Variants in SLC30A9 observed in about 807,000 individuals in gnomAD.
SLC30A9 encodes proton-coupled zinc antiporter SLC30A9, mitochondrial.
In SLC30A9, 58 loss-of-function variants were observed where a neutral mutation model predicts 87.5. That is an observed-to-expected ratio of 0.66 (90% CI 0.54 to 0.82). SLC30A9 has a LOEUF of 0.82. Ranked by LOEUF, SLC30A9 falls within the 40% of genes least tolerant of loss-of-function variation. The pLI, the probability that SLC30A9 is intolerant of heterozygous loss-of-function variation, is 0.00. For synonymous variants in SLC30A9, 234 were observed against 233.0 expected (o/e 1.00, Z -0.04); for missense variants, 557 against 679.1 (o/e 0.82, Z 2.00).
intron 6 of SLC30A9, among the ~76,000 whole-genome samples, chr4:42,025,878 C>A (rs968324308): frequency 6.6e-6 from 1 of 152,102 alleles, no homozygotes; most frequent in Non-Finnish European, 1.5e-5. Flanking sequence ...TGGTCTCGAT[C>A]TCCTGACCTC....
intron 2 of SLC30A9, among the ~76,000 whole-genome samples, chr4:42,013,535 T>A (rs925598673): frequency 2.6e-5 from 4 of 152,098 alleles, no homozygotes; most frequent in Non-Finnish European, 2.9e-5. Flanking sequence ...TTTACTGTTA[T>A]AAAGACAGAC....
chr4:42,017,455 T>A (rs1715772425), intron 2 of SLC30A9, among the ~76,000 whole-genome samples: 2 of 151,908 alleles, frequency 1.3e-5, no homozygotes, highest in African/African-American at 2.4e-5. Flanking sequence ...GTTTTTCTTG[T>A]GTTGTTTATA....
In SLC30A9 at chr4:42,088,621, G is replaced by A. The variant is rs1217193553; in HGVS notation, c.*2495G>A. The A allele has an allele frequency of 6.6e-6, 1 of 152,464 alleles. No individual in the cohort carries two copies. Among genetic ancestry groups the A allele is most frequent in the African/African-American group, 2.4e-5 (1 of 41,436 alleles). 9.4% of individuals were successfully genotyped at this position (152,464 alleles called of 1,614,324 possible). A position where few individuals can be genotyped will look rare whatever the true frequency, so the allele number is the denominator to read the frequency against. ...AGGAAGAGCAAGAGGCGGGGATTGG[G>A]GGTAGGTGCCACACTCTTGTAAACA... On this transcript the variant is annotated 3_prime_UTR_variant, in exon 18 of 18. Transcript: ENST00000264451.
intron 6 of SLC30A9, among the ~76,000 whole-genome samples, chr4:42,030,279 T>C (rs1201538972): frequency 2.0e-5 from 3 of 152,218 alleles, no homozygotes; most frequent in Admixed American, 6.5e-5. Flanking sequence ...TTGGTTAGAA[T>C]GTAATTAATG....
intron 17 of SLC30A9, among the ~76,000 whole-genome samples, chr4:42,081,205 T>C (rs892293650): frequency 7.9e-5 from 12 of 152,234 alleles, no homozygotes; most frequent in Admixed American, 3.3e-4. Flanking sequence ...TTACGTACTT[T>C]CCATTTTGTC....
chr4:42,070,852 A>G (rs895274285), intron 15 of SLC30A9, among the ~76,000 whole-genome samples, 161 bp downstream of exon 15: 1 of 152,216 alleles, frequency 6.6e-6, no homozygotes, highest in African/African-American at 2.4e-5. Flanking sequence ...GTAAGAAAGA[A>G]TACACTTAGG....
At position 42,070,660 on chromosome 4, in the gene SLC30A9, A is replaced by G; in HGVS notation, c.1387A>G (p.Thr463Ala). Residue 463 changes from threonine to alanine, a missense_variant, in exon 15 of 18, where the codon ACT (threonine) becomes GCT (alanine). Transcript: ENST00000264451. ...CCAGCCAGAACAAGTACAACGGCTC[A>G]CTGAACTCCTGGAGAATGACCCATC... is the stretch of plus-strand genomic sequence containing the variant. Reference protein sequence around the residue: ...SIQPEQVQRLTELLENDPSVR... With the variant: ...SIQPEQVQRLAELLENDPSVR... The G allele has an allele frequency of 6.2e-7, 1 of 1,613,818 alleles. No homozygotes were observed. Among genetic ancestry groups the G allele is most frequent in the Non-Finnish European group, 8.5e-7 (1 of 1,179,746 alleles).
At position 42,001,678 on chromosome 4, in the gene SLC30A9, A is replaced by G. The variant is rs1464274626; in HGVS notation, c.172A>G (p.Ile58Val). 6.2e-6 allele frequency: 10 copies of G among 1,608,456 alleles called. No homozygotes were observed. The highest frequency in any genetic ancestry group is 8.5e-6 in the Non-Finnish European group (10 of 1,175,394). The change falls in exon 2 of 18, where the codon ATT (isoleucine) becomes GTT (valine). Residue 58 changes from isoleucine (I) to valine (V), a missense_variant. Around this residue, in one of 2 missense-constraint regions of SLC30A9, gnomAD observed 467 missense variants for 529.8 expected, o/e 0.88. Coordinates refer to ENST00000264451, the MANE Select transcript of SLC30A9 (RefSeq NM_006345.4). ...CATGGTTCCCTGTAGTCATCCATAT[A>G]TTGGTACCCTGAGTCAAGTAAAGTT... ...SNMVPCSHPY[I>V]GTLSQVKLYS... is the part of the protein sequence containing the mutation.
intron 2 of SLC30A9, among the ~76,000 whole-genome samples, chr4:42,008,630 T>A (rs1014291650): frequency 6.6e-6 from 1 of 152,038 alleles, no homozygotes; most frequent in African/African-American, 2.4e-5. Context: ...GAGGGACAGG[T>A]AGAAGAGGAG....
rs1375405734 is a variant in SLC30A9, at chr4:42,070,407, G to T, written c.1253-119G>T. 5.2e-5 allele frequency: 36 copies of T among 698,630 alleles called. No homozygotes were observed. In the Admixed American group the frequency reaches 9.3e-4, roughly 18 times the overall value. 43.3% of individuals were successfully genotyped at this position (698,630 alleles called of 1,614,324 possible). On this transcript the variant is annotated intron_variant, in intron 14 of 17. Transcript: ENST00000264451. The stretch of plus-strand genomic sequence containing the variant: ...GGAGTTGTTAAAGGAAGTAATTAAA[G>T]AAATTAGGAATAAATTTCAAGTGCC...
At chr4:42,083,753 C>T (rs1287930880) in intron 17 of SLC30A9, among the ~76,000 whole-genome samples, 1 of 151,946 alleles carries the variant, frequency 6.6e-6, no homozygotes, top group Non-Finnish European at 1.5e-5. Flanking sequence ...AATTTAGTTT[C>T]ATTTCTGTTT....
At chr4:42,029,275 G>T in intron 6 of SLC30A9, 1 of 476,502 alleles carries the variant, frequency 2.1e-6, no homozygotes, top group South Asian at 1.7e-5. Context: ...AGAGAAGAAG[G>T]AGTTTTTAGG....
At chr4:42,074,111 A>G (rs139597832) in intron 15 of SLC30A9, among the ~76,000 whole-genome samples, 101 of 152,320 alleles carry the variant, frequency 6.6e-4, no homozygotes, top group African/African-American at 2.3e-3. Flanking sequence ...AAAAAAAAAG[A>G]ATAAATGATA....
chr4:42,039,821 G>A (rs1164433050), intron 8 of SLC30A9, among the ~76,000 whole-genome samples: 1 of 151,680 alleles, frequency 6.6e-6, no homozygotes, highest in Non-Finnish European at 1.5e-5. Context: ...CCTTTTGTCT[G>A]TTTTTCTGAC....
chr4:41,995,945 A>G lies in SLC30A9; in HGVS notation c.109+5185A>G, dbSNP rs535475786. On this transcript the variant is annotated intron_variant, in intron 1 of 17. Coordinates refer to ENST00000264451, the MANE Select transcript of SLC30A9 (RefSeq NM_006345.4). ...GGCTGGTCTCAAACTCCTGAGCTCA[A>G]GCATTCCACCCATCTCGGCCTCCCA... Among the ~76,000 whole-genome samples, 32 of 151,936 alleles carry G rather than the reference A, an allele frequency of 2.1e-4. No homozygotes were observed. In the South Asian group the frequency reaches 6.2e-3, roughly 30 times the overall value.
In SLC30A9 at chr4:41,992,270, A is replaced by T. The variant is rs55678772; in HGVS notation, c.109+1510A>T. On this transcript the variant is annotated intron_variant, in intron 1 of 17. Coordinates refer to ENST00000264451, the MANE Select transcript of SLC30A9 (RefSeq NM_006345.4). ...GTGGGAGGATCGCTTGAGCCCAGGA[A>T]ATTGAGGCTGCAGTGAGCCTTGAGC... Among the ~76,000 whole-genome samples the T allele has an allele frequency of 6.3e-3, 961 of 151,944 alleles. 15 individuals carry two copies. The highest frequency in any genetic ancestry group is 0.022 in the African/African-American group (923 of 41,472).
chr4:42,017,780 A>G (rs1280112818), intron 2 of SLC30A9, among the ~76,000 whole-genome samples: 2 of 152,084 alleles, frequency 1.3e-5, no homozygotes, highest in Non-Finnish European at 2.9e-5. Flanking sequence ...ATTAAAGACA[A>G]TGTTTGTTGT....
chr4:42,076,593 T>C (rs1266187250), intron 16 of SLC30A9, among the ~76,000 whole-genome samples: 2 of 152,176 alleles, frequency 1.3e-5, no homozygotes, highest in Non-Finnish European at 2.9e-5. Flanking sequence ...TTCATTGTTA[T>C]AGAGCATTTC....
At chr4:42,026,032 A>C (rs1033796709) in intron 6 of SLC30A9, among the ~76,000 whole-genome samples, 1 of 152,088 alleles carries the variant, frequency 6.6e-6, no homozygotes, top group East Asian at 1.9e-4. Context: ...AGGTGCAATC[A>C]TAGTGAATTA....
Sources: gnomAD v4.1 joint callset for allele counts (sites outside exome capture counted in the v4.1 genomes callset) on GRCh38, gnomAD v4.1.1 for gene constraint, gnomAD v4.1.1 regional missense constraint, MANE v1.5 for transcripts, NCBI Gene and HGNC (gene_info 2026-07-23, HGNC 2026-07-21) for gene names.